The following MUC22 variants were observed in gnomAD, a reference collection of about 807,000 sequenced individuals.
The protein encoded by MUC22 is mucin 22, also known as mucin-22.
In MUC22, 24 loss-of-function variants were observed where a neutral mutation model predicts 40.3. The ratio of observed to expected loss-of-function variants is 0.60; its 90% CI spans 0.43 to 0.84. The LOEUF is 0.84. Ranked by LOEUF, MUC22 falls within the 40% of genes least tolerant of loss-of-function variation. The pLI, the probability that MUC22 is intolerant of heterozygous loss-of-function variation, is 0.00. For missense variants in MUC22, 1,926 were observed against 2,130.7 expected (o/e 0.90, Z 1.89); for synonymous variants, 765 against 844.5 (o/e 0.91, Z 1.63).
chr6:31,022,067 A>G (rs1241653571), intron 1 of MUC22, among the ~76,000 whole-genome samples: 1 of 152,106 alleles, frequency 6.6e-6, no homozygotes, highest in Admixed American at 6.5e-5. Flanking sequence ...GAAGGTTTGC[A>G]GCTTCACTCA....
intron 3 of MUC22, among the ~76,000 whole-genome samples, chr6:31,033,206 G>GGAGA (rs916800858): frequency 6.7e-6 from 1 of 148,560 alleles, no homozygotes; most frequent in African/African-American, 2.5e-5. Context: ...AAGGAAGGAA[G>GGAGA]GAGAGAGAGA....
upstream of MUC22, among the ~76,000 whole-genome samples, chr6:31,007,471 C>T (rs1763591967): frequency 6.6e-6 from 1 of 151,964 alleles, no homozygotes; most frequent in African/African-American, 2.4e-5. The surrounding 1 kb of genome is among the most constrained non-coding windows in gnomAD (Gnocchi z 4.0). Context: ...ATGGAAGGTA[C>T]CATTGAGACT....
chr6:31,029,759 C>G, exon 2 of MUC22: 1 of 1,534,696 alleles, frequency 6.5e-7, no homozygotes, highest in Non-Finnish European at 8.7e-7. Flanking sequence ...ACTGCAGGCT[C>G]TGAGACCACC....
In MUC22 at chr6:31,032,292, C is replaced by A. The variant is rs1161074095; in HGVS notation, c.4766C>A (p.Pro1589Gln). The stretch of plus-strand genomic sequence containing the variant: ...GCCTCTGCTGCCAGCCATACTGTGC[C>A]AGGAATAGTCTTAAACACCTCTGGC... Residue 1589 changes from proline to glutamine, a missense_variant, in exon 3 of 4, where the codon CCA (proline) becomes CAA (glutamine). Coordinates refer to ENST00000561890, the Ensembl canonical transcript of MUC22. This position sits in a 1 kb window ranked among gnomAD's most constrained non-coding sequence, Gnocchi z 4.1. 1 of 1,535,676 alleles carries A rather than the reference C, an allele frequency of 6.5e-7. No individual in the cohort carries two copies. Among genetic ancestry groups the A allele is most frequent in the Admixed American group, 2.0e-5 (1 of 50,994 alleles).
At chr6:31,022,148 A>C (rs1243772626) in intron 1 of MUC22, among the ~76,000 whole-genome samples, 1 of 151,780 alleles carries the variant, frequency 6.6e-6, no homozygotes, top group Middle Eastern at 3.2e-3. Flanking sequence ...GAAGGAGCAA[A>C]CTCCAGACAT....
chr6:31,021,721 G>A (rs1041368408), intron 1 of MUC22, among the ~76,000 whole-genome samples: 1 of 152,130 alleles, frequency 6.6e-6, no homozygotes, highest in Non-Finnish European at 1.5e-5. Context: ...CTCAGGGATT[G>A]TAAACGCACC....
In MUC22 at chr6:31,025,919, CTGAGAAAA is replaced by C. The variant is rs1361540109; in HGVS notation, c.489_496del (p.Glu164AspfsTer8). On this transcript the variant is annotated frameshift_variant, in exon 2 of 4. Transcript: ENST00000561890. LOFTEE classifies it high-confidence loss of function. ...TCCAGCACAACCTCCACTGCAGGCTCTGAGAAAACGATGGCCTCCTCCATAATTTCTGA... is the reference window on the plus strand; with the variant it reads ...TCCAGCACAACCTCCACTGCAGGCTCCGATGGCCTCCTCCATAATTTCTGA... 6.5e-7 allele frequency: 1 copy of C among 1,535,486 alleles called. No individual in the cohort carries two copies. Among genetic ancestry groups the C allele is most frequent in the East Asian group, 2.4e-5 (1 of 40,874 alleles).
intron 2 of MUC22, among the ~76,000 whole-genome samples, chr6:31,031,909 C>T (rs1766092763): frequency 6.6e-6 from 1 of 152,198 alleles, no homozygotes; most frequent in East Asian, 1.9e-4. Context: ...AATAGATCTT[C>T]CACTTCTGAA....
chr6:31,022,939 G>A (rs1764987161), intron 1 of MUC22, among the ~76,000 whole-genome samples: 1 of 151,688 alleles, frequency 6.6e-6, no homozygotes, highest in Non-Finnish European at 1.5e-5. Context: ...AGACCAGCCT[G>A]GGCAACGTGG....
chr6:31,033,407 T>C (rs934317977), intron 3 of MUC22, among the ~76,000 whole-genome samples: 7 of 152,240 alleles, frequency 4.6e-5, no homozygotes, highest in African/African-American at 1.7e-4. Context: ...GATTGTCTCA[T>C]GTATGACAAA....
rs1163851718 is a variant in MUC22 at position 31,011,946 on chromosome 6, C to T, written c.70+1170C>T. On this transcript the variant is annotated intron_variant, in intron 1 of 3. Coordinates refer to ENST00000561890, the Ensembl canonical transcript of MUC22. The surrounding 1 kb of genome is among the most constrained non-coding windows in gnomAD (Gnocchi z 4.5). Reference sequence around the variant, plus strand: ...GAGAACTTCCCTGGTAGAAACAAACCGGAGTTCGGCCACTGAGGGGTTGGC... The same window carrying T: ...GAGAACTTCCCTGGTAGAAACAAACTGGAGTTCGGCCACTGAGGGGTTGGC... Among the ~76,000 whole-genome samples the T allele has an allele frequency of 1.3e-5, 2 of 152,106 alleles. No individual in the cohort carries two copies. The highest frequency in any genetic ancestry group is 2.4e-5 in the African/African-American group (1 of 41,412).
chr6:31,017,125 C>G (rs563895674), intron 1 of MUC22, among the ~76,000 whole-genome samples: 62 of 152,340 alleles, frequency 4.1e-4, no homozygotes, highest in African/African-American at 1.4e-3. Flanking sequence ...CCCAGACGAG[C>G]GCTGCCCCTT....
At chr6:31,028,613 A>T (rs781340631) in exon 2 of MUC22, 1 of 1,513,410 alleles carries the variant, frequency 6.6e-7, no homozygotes, top group Admixed American at 2.0e-5. Context: ...TTCACTGAAA[A>T]CTCTGAGACC....
At position 31,011,781 on chromosome 6, in the gene MUC22, T is replaced by C. The variant is rs3869094; in HGVS notation, c.70+1005T>C. Among the ~76,000 whole-genome samples, 73,321 of 152,070 alleles carry C rather than the reference T, an allele frequency of 0.48. 18,294 individuals are homozygous for C. Among genetic ancestry groups the C allele is most frequent in the African/African-American group, 0.61 (25,116 of 41,480 alleles). On this transcript the variant is annotated intron_variant, in intron 1 of 3. Coordinates refer to ENST00000561890, the Ensembl canonical transcript of MUC22. This position sits in a 1 kb window ranked among gnomAD's most constrained non-coding sequence, Gnocchi z 4.5. ...ATCTCCACACTGTTTTCCATAGTGA[T>C]TGTACTAGTTTACATTCCCACTAGC... is the stretch of plus-strand genomic sequence containing the variant.
intron 1 of MUC22, among the ~76,000 whole-genome samples, chr6:31,020,323 G>C (rs1003325978): frequency 6.8e-6 from 1 of 147,828 alleles, no homozygotes; most frequent in Non-Finnish European, 1.5e-5. Context: ...AATACTGAAA[G>C]AAAAAAATAC....
At chr6:31,027,633 GACC>G in exon 2 of MUC22, 1 of 1,529,044 alleles carries the variant, frequency 6.5e-7, no homozygotes, top group African/African-American at 1.4e-5. Context: ...CAGGCTCTGA[GACC>G]ACCACAGCCT....
intron 1 of MUC22, among the ~76,000 whole-genome samples, chr6:31,022,435 G>A (rs2150772175): frequency 6.6e-6 from 1 of 152,092 alleles, no homozygotes; most frequent in African/African-American, 2.4e-5. Context: ...GGGATTACAG[G>A]CGTGAATCGA....
chr6:31,010,850 C>T, intron 1 of MUC22, 74 bp downstream of exon 1: 1 of 689,262 alleles, frequency 1.5e-6, no homozygotes, highest in South Asian at 1.5e-5. Flanking sequence ...GGGGAATCCC[C>T]TGCCCAGGCA....
chr6:31,020,898 A>G (rs1330599090), intron 1 of MUC22, among the ~76,000 whole-genome samples: 2 of 152,204 alleles, frequency 1.3e-5, no homozygotes, highest in African/African-American at 4.8e-5. Context: ...TAGGTCCCCC[A>G]GCAGTGCCGG....
Sources: allele counts gnomAD v4.1 joint callset (sites outside exome capture counted in the v4.1 genomes callset), GRCh38; gene constraint gnomAD v4.1.1; non-coding constraint Gnocchi (gnomAD v3.1); transcripts MANE v1.5; gene names NCBI Gene and HGNC (gene_info 2026-07-23, HGNC 2026-07-21).